SLC17A5: variants seen among roughly 807,000 people sequenced by gnomAD.
SLC17A5 encodes the protein sialin.
In SLC17A5, 47 loss-of-function variants were observed where a neutral mutation model predicts 59.4. The observed-to-expected ratio is 0.79, with a 90% CI of 0.63 to 1.01. The LOEUF is 1.01. SLC17A5 is among the 50% of genes least tolerant of loss of function. The pLI is 0.00. For synonymous variants in SLC17A5, 202 were observed against 210.7 expected (o/e 0.96, Z 0.36); for missense variants, 522 against 595.5 (o/e 0.88, Z 1.28).
Position 73,653,971 on chromosome 6 carries a change from C to G in SLC17A5, c.-85G>C. Reference sequence around the variant, plus strand: ...GCCCGAAGCCCCCGGGCCGAGCTGGCTGGACCGGGCGGGGCGGGGGCGATG... The same window carrying G: ...GCCCGAAGCCCCCGGGCCGAGCTGGGTGGACCGGGCGGGGCGGGGGCGATG... On this transcript the variant is annotated 5_prime_UTR_variant, in exon 1 of 11. Transcript: ENST00000355773. The G allele has an allele frequency of 8.1e-7, 1 of 1,239,358 alleles. No individual in the cohort carries two copies. Among genetic ancestry groups the G allele is most frequent in the Non-Finnish European group, 1.1e-6 (1 of 876,714 alleles). The allele number at this position is 1,239,358 out of a possible 1,614,324, so 76.8% of individuals were successfully genotyped here.
chr6:73,629,980 A>G (rs1482731886), intron 6 of SLC17A5, among the ~76,000 whole-genome samples: 1 of 149,238 alleles, frequency 6.7e-6, no homozygotes, highest in Non-Finnish European at 1.5e-5. Context: ...CGTGCAATGA[A>G]GATTTTTATT....
intron 10 of SLC17A5, among the ~76,000 whole-genome samples, chr6:73,597,422 G>A (rs867711498): frequency 1.3e-5 from 2 of 151,294 alleles, no homozygotes; most frequent in South Asian, 2.1e-4. Flanking sequence ...AGCCAAGATC[G>A]TGCCACTGCA....
At chr6:73,648,096 C>T (rs553830258) in intron 1 of SLC17A5, among the ~76,000 whole-genome samples, 18 of 152,054 alleles carry the variant, frequency 1.2e-4, no homozygotes, top group African/African-American at 4.1e-4. Context: ...AAAAAGCCAA[C>T]TCAGGTGTCA....
At chr6:73,607,559 C>G (rs1043535248) in intron 9 of SLC17A5, among the ~76,000 whole-genome samples, 5 of 152,114 alleles carry the variant, frequency 3.3e-5, no homozygotes, top group African/African-American at 9.7e-5. Flanking sequence ...AGCCATTACA[C>G]CCGGCCGACC....
chr6:73,596,072 A>T (rs1402582419), intron 10 of SLC17A5, among the ~76,000 whole-genome samples: 3 of 151,774 alleles, frequency 2.0e-5, no homozygotes, highest in African/African-American at 7.3e-5. Flanking sequence ...TCCCGCAGTG[A>T]TGGTACTACA....
intron 9 of SLC17A5, among the ~76,000 whole-genome samples, chr6:73,600,914 A>C (rs975905729): frequency 5.9e-5 from 9 of 152,214 alleles, no homozygotes; most frequent in Admixed American, 5.2e-4. Flanking sequence ...AAAAACTTGC[A>C]TTTCAATAGT....
intron 7 of SLC17A5, among the ~76,000 whole-genome samples, chr6:73,616,271 G>C (rs9442934): frequency 0.38 from 57,468 of 151,870 alleles, 12,013 homozygotes; most frequent in African/African-American, 0.56. Flanking sequence ...AGTCCTATCA[G>C]AGCCCTCTTC....
At chr6:73,610,581 C>G in intron 8 of SLC17A5, 34 bp from the exon 9 acceptor site, 5 of 1,611,680 alleles carry the variant, frequency 3.1e-6, no homozygotes, top group Non-Finnish European at 3.4e-6. Flanking sequence ...GGAAAAAACA[C>G]CCAGCATTAA....
intron 9 of SLC17A5, among the ~76,000 whole-genome samples, chr6:73,606,281 G>T (rs907981616): frequency 1.3e-5 from 2 of 151,966 alleles, no homozygotes; most frequent in Non-Finnish European, 2.9e-5. Context: ...AACCTCAAAC[G>T]ATCCAACCGC....
chr6:73,636,618 T>C lies in SLC17A5; in HGVS notation c.700+3A>G. The C allele has an allele frequency of 6.5e-7, 1 of 1,534,180 alleles. No homozygotes were observed. The highest frequency in any genetic ancestry group is 9.0e-7 in the Non-Finnish European group (1 of 1,108,022). Reference sequence around the variant, plus strand: ...TATAATTTAGTTAAAATTTTAAACTTACCAAAAAAGTAGAAGACATAAGTC... The same window carrying C: ...TATAATTTAGTTAAAATTTTAAACTCACCAAAAAAGTAGAAGACATAAGTC... On this transcript the variant is annotated splice_donor_region_variant and intron_variant, in intron 5 of 10. Transcript: ENST00000355773.
intron 6 of SLC17A5, among the ~76,000 whole-genome samples, chr6:73,633,889 A>T (rs9293934): frequency 0.14 from 21,368 of 151,220 alleles, 2,122 homozygotes; most frequent in African/African-American, 0.27. Flanking sequence ...AAAAAAAAAA[A>T]TAAATAAAAT....
chr6:73,635,845 A>C (rs1434790621), intron 5 of SLC17A5, among the ~76,000 whole-genome samples: 1 of 151,600 alleles, frequency 6.6e-6, no homozygotes, highest in Non-Finnish European at 1.5e-5. Flanking sequence ...GGTTCAAGCA[A>C]CTCTACTGTC....
intron 1 of SLC17A5, among the ~76,000 whole-genome samples, chr6:73,651,460 C>CAAAAAAAAAAAA (rs538079302): frequency 1.3e-4 from 4 of 29,892 alleles, no homozygotes; most frequent in Admixed American, 1.0e-3. Context: ...AACTCCGTCT[C>CAAAAAAAAAAAA]AAAAAAAAAA....
chr6:73,644,466 T>C lies in SLC17A5; in HGVS notation c.232A>G (p.Arg78Gly). Residue 78 changes from arginine to glycine, a missense_variant, in exon 2 of 11, where the codon AGA becomes GGA. Around this residue, in one of 3 missense-constraint regions of SLC17A5, gnomAD observed 338 missense variants for 363.8 expected, o/e 0.93. Coordinates refer to ENST00000355773, the MANE Select transcript of SLC17A5 (RefSeq NM_012434.5). ...VDSNTTLEDN[R>G]TSKACPEHSA... is the part of the protein sequence containing the mutation. ...TGCTCTGGACACGCCTTGGAAGTTC[T>C]ATTATCTTCTAAAGTTGTATTTGAA... 2 of 1,614,060 alleles carry C rather than the reference T, an allele frequency of 1.2e-6. No homozygotes were observed. The highest frequency in any genetic ancestry group is 1.7e-6 in the Non-Finnish European group (2 of 1,179,954).
intron 1 of SLC17A5, among the ~76,000 whole-genome samples, chr6:73,649,705 T>C (rs1375634389): frequency 6.6e-6 from 1 of 152,216 alleles, no homozygotes; most frequent in African/African-American, 2.4e-5. Context: ...GTTAGTAATG[T>C]AAAATACTTA....
At chr6:73,628,888 A>G (rs1362603609) in intron 6 of SLC17A5, among the ~76,000 whole-genome samples, 1 of 146,904 alleles carries the variant, frequency 6.8e-6, no homozygotes, top group Non-Finnish European at 1.5e-5. Context: ...ATATTCTAAT[A>G]TGCCATTTAA....
chr6:73,653,615 C>T, intron 1 of SLC17A5, 178 bp downstream of exon 1: 3 of 576,406 alleles, frequency 5.2e-6, no homozygotes, highest in Non-Finnish European at 6.6e-6. Context: ...CTTCTGCGCA[C>T]CGAGGCAGGC....
intron 1 of SLC17A5, among the ~76,000 whole-genome samples, chr6:73,651,094 A>G (rs536523522): frequency 2.6e-5 from 4 of 152,326 alleles, no homozygotes; most frequent in African/African-American, 9.6e-5. Context: ...ACAGATTAAA[A>G]GAGACAAAAA....
intron 1 of SLC17A5, among the ~76,000 whole-genome samples, chr6:73,647,152 A>G (rs1317632233): frequency 1.3e-5 from 2 of 152,246 alleles, no homozygotes; most frequent in Non-Finnish European, 2.9e-5. Context: ...ATTTAAAAAG[A>G]TCATTACCTA....
Sources: gnomAD v4.1 joint callset for allele counts (sites outside exome capture counted in the v4.1 genomes callset) on GRCh38, gnomAD v4.1.1 for gene constraint, gnomAD v4.1.1 regional missense constraint, MANE v1.5 for transcripts, NCBI Gene and HGNC (gene_info 2026-07-23, HGNC 2026-07-21) for gene names.